Variants in TRPC7 observed in about 807,000 individuals in gnomAD.
The protein encoded by TRPC7 is transient receptor potential cation channel subfamily C member 7, also known as short transient receptor potential channel 7.
In TRPC7, 42 loss-of-function variants were observed where a neutral mutation model predicts 90.1. The observed-to-expected ratio is 0.47, with a 90% CI of 0.36 to 0.60. The LOEUF (loss-of-function observed/expected upper bound fraction) is 0.60. Ranked by LOEUF, TRPC7 falls within the 20% of genes least tolerant of loss-of-function variation. TRPC7 has a pLI of 0.00. For missense variants in TRPC7, 955 were observed against 1,112.3 expected (o/e 0.86, Z 2.01); for synonymous variants, 451 against 436.3 (o/e 1.03, Z -0.42).
chr5:136,274,874 A>G, intron 3 of TRPC7, 37 bp from the exon 4 acceptor site: 1 of 1,545,276 alleles, frequency 6.5e-7, no homozygotes, highest in Non-Finnish European at 8.7e-7. Context: ...CAAAACGCAA[A>G]CAGGAAAATG....
chr5:136,325,981 G>T (rs988107317), intron 2 of TRPC7, among the ~76,000 whole-genome samples: 37 of 152,326 alleles, frequency 2.4e-4, no homozygotes, highest in African/African-American at 8.7e-4. Context: ...TGCAGGCCAA[G>T]GCAGGACCAT....
intron 2 of TRPC7, among the ~76,000 whole-genome samples, chr5:136,353,111 C>T (rs1699610113): frequency 6.6e-6 from 1 of 152,112 alleles, no homozygotes; most frequent in Admixed American, 6.5e-5. Flanking sequence ...TTTCTAGATC[C>T]AAGATTAGAG....
chr5:136,338,761 A>C lies in TRPC7; in HGVS notation c.780+17847T>G, dbSNP rs148640748. Among the ~76,000 whole-genome samples, 109 of 152,320 alleles carry C rather than the reference A, an allele frequency of 7.2e-4. 1 individual carries two copies. The East Asian group carries it at 0.01, about 15-fold the overall frequency. ...AGTGCTCTCAGTTTTCTTGATTGGC[A>C]TTAAATGGGACCCTATCTTGGATCC... On this transcript the variant is annotated intron_variant, in intron 2 of 11. Transcript: ENST00000513104.
intron 2 of TRPC7, among the ~76,000 whole-genome samples, chr5:136,347,966 T>A (rs191504421): frequency 1.3e-5 from 2 of 152,352 alleles, no homozygotes; most frequent in Admixed American, 1.3e-4. Context: ...TGTGGCTTCA[T>A]CTGCAATGAA....
At chr5:136,312,735 A>G (rs1758874464) in intron 3 of TRPC7, among the ~76,000 whole-genome samples, 1 of 152,204 alleles carries the variant, frequency 6.6e-6, no homozygotes. Flanking sequence ...CCAGAGGTCC[A>G]GACATTAGGG....
chr5:136,257,013 C>T (rs375951385), intron 5 of TRPC7, among the ~76,000 whole-genome samples: 8 of 152,254 alleles, frequency 5.3e-5, no homozygotes, highest in South Asian at 2.1e-4. Context: ...AGGGCTCTTC[C>T]CTGGTCAGAG....
At chr5:136,322,501 T>C (rs542542675) in intron 2 of TRPC7, among the ~76,000 whole-genome samples, 1 of 152,310 alleles carries the variant, frequency 6.6e-6, no homozygotes, top group South Asian at 2.1e-4. Context: ...TAATGCTCCA[T>C]ATTTTCACCA....
chr5:136,241,918 A>C, intron 7 of TRPC7, among the ~76,000 whole-genome samples: 1 of 151,990 alleles, frequency 6.6e-6, no homozygotes, highest in Middle Eastern at 3.2e-3. Context: ...TGGACCTTTT[A>C]TTTCTCTTTT....
At chr5:136,252,048 G>T (rs547870793) in intron 5 of TRPC7, among the ~76,000 whole-genome samples, 166 bp from the exon 6 acceptor site, 1 of 152,340 alleles carries the variant, frequency 6.6e-6, no homozygotes, top group East Asian at 1.9e-4. Context: ...GGCAGATTTA[G>T]ACCCAGGAGA....
intron 5 of TRPC7, among the ~76,000 whole-genome samples, chr5:136,263,005 C>T (rs1366129654): frequency 6.6e-6 from 1 of 152,188 alleles, no homozygotes; most frequent in African/African-American, 2.4e-5. Flanking sequence ...CAAACCAAAA[C>T]TAAACAAACA....
chr5:136,293,982 T>C (rs1176417137), intron 3 of TRPC7, among the ~76,000 whole-genome samples: 1 of 152,150 alleles, frequency 6.6e-6, no homozygotes, highest in African/African-American at 2.4e-5. Flanking sequence ...TCAGAAATAA[T>C]GCTGCATATC....
Position 136,277,029 on chromosome 5 carries a change from C to G in TRPC7, c.964-2192G>C, listed in dbSNP as rs564950650. ...AGTATTTGACTCACCCTATGGCTCC[C>G]TGCACTACTGCTGCCTGGGAAGGAT... On this transcript the variant is annotated intron_variant, in intron 3 of 11. Coordinates refer to ENST00000513104, the MANE Select transcript of TRPC7 (RefSeq NM_020389.3). Among the ~76,000 whole-genome samples, 3 of 152,208 alleles carry G rather than the reference C, an allele frequency of 2.0e-5. No homozygotes were observed. In the South Asian group the frequency reaches 6.2e-4, roughly 32 times the overall value.
chr5:136,354,409 T>A (rs1343957969), intron 2 of TRPC7, among the ~76,000 whole-genome samples: 2 of 152,182 alleles, frequency 1.3e-5, no homozygotes, highest in African/African-American at 2.4e-5. Context: ...GGGGGACAGA[T>A]GACATAAAGT....
At chr5:136,271,018 C>T (rs1237499863) in intron 4 of TRPC7, among the ~76,000 whole-genome samples, 2 of 152,080 alleles carry the variant, frequency 1.3e-5, no homozygotes, top group Admixed American at 1.3e-4. Flanking sequence ...CTGGTTGGCC[C>T]CTGAACCACA....
At position 136,315,750 on chromosome 5, in the gene TRPC7, G is replaced by T. The variant is rs1168458574; in HGVS notation, c.810C>A (p.Cys270Ter). The stretch of plus-strand genomic sequence containing the variant: ...CCAGCACGCCCACTACAAAATCCTT[G>T]CATTGCATAGATAACTTCCTGTAAT... ...KNDYRKLSMQ[C>*]KDFVVGVLDL... is the part of the protein sequence containing the mutation. The change falls in exon 3 of 12, where the codon TGC becomes TGA. Residue 270 changes from cysteine to a stop codon, truncating the protein, a stop_gained. Coordinates refer to ENST00000513104, the MANE Select transcript of TRPC7 (RefSeq NM_020389.3). LOFTEE classifies it high-confidence loss of function. 2.5e-6 allele frequency: 4 copies of T among 1,613,988 alleles called. No individual in the cohort carries two copies. The highest frequency in any genetic ancestry group is 3.4e-6 in the Non-Finnish European group (4 of 1,179,926).
intron 3 of TRPC7, among the ~76,000 whole-genome samples, chr5:136,280,296 C>T (rs1404661336): frequency 6.6e-6 from 1 of 152,196 alleles, no homozygotes; most frequent in African/African-American, 2.4e-5. Flanking sequence ...AATCATGTGT[C>T]ATAGGTCAAG....
chr5:136,280,647 A>T (rs1757520126), intron 3 of TRPC7, among the ~76,000 whole-genome samples: 1 of 152,248 alleles, frequency 6.6e-6, no homozygotes, highest in South Asian at 2.1e-4. Flanking sequence ...TTGTGTAGGA[A>T]AATATTGAAA....
rs1758594701 is a variant in TRPC7 at position 136,305,621 on chromosome 5, T to A, written c.963+9976A>T. 2.6e-5 allele frequency among the ~76,000 whole-genome samples: 4 copies of A among 152,184 alleles called. No homozygotes were observed. The South Asian group carries it at 8.3e-4, about 31-fold the overall frequency. On this transcript the variant is annotated intron_variant, in intron 3 of 11. Transcript: ENST00000513104. ...TCACTGAATAAGTAAAGGCCTTTCC[T>A]ACAGGGTCTGAGAAGGCCACGGCAG...
At chr5:136,241,324 G>C (rs1756155366) in intron 7 of TRPC7, among the ~76,000 whole-genome samples, 1 of 152,254 alleles carries the variant, frequency 6.6e-6, no homozygotes, top group Admixed American at 6.5e-5. Context: ...CTATAGAAAA[G>C]ATGGGCTGAG....
Sources: gnomAD v4.1 joint callset for allele counts (sites outside exome capture counted in the v4.1 genomes callset) on GRCh38, gnomAD v4.1.1 for gene constraint, MANE v1.5 for transcripts, NCBI Gene and HGNC (gene_info 2026-07-23, HGNC 2026-07-21) for gene names.